The following EVI5L variants were observed in gnomAD, a reference collection of about 807,000 sequenced individuals.
EVI5L encodes EVI5-like protein.
A neutral mutation model predicts 106.1 loss-of-function variants in EVI5L; 30 were observed. That is an observed-to-expected ratio of 0.28 (90% confidence interval 0.21 to 0.38). EVI5L has a LOEUF of 0.38. Ranked by LOEUF, EVI5L falls within the 10% of genes least tolerant of loss-of-function variation. EVI5L has a pLI of 1.00. For synonymous variants in EVI5L, 489 were observed against 483.3 expected (o/e 1.01, Z -0.15); for missense variants, 809 against 1,098.0 (o/e 0.74, Z 3.72).
intron 1 of EVI5L, among the ~76,000 whole-genome samples, chr19:7,844,567 C>T (rs1978868500): frequency 1.3e-5 from 2 of 152,208 alleles, no homozygotes; most frequent in African/African-American, 4.8e-5. Flanking sequence ...ATCAGCACTT[C>T]TTGTCCACAG....
rs1979817880 is a variant in EVI5L, at chr19:7,861,924, A to G, written c.1550A>G (p.Glu517Gly). Residue 517 changes from glutamate to glycine, a missense_variant, in exon 15 of 20, where the codon GAG becomes GGG. This residue lies in a region of EVI5L where 452 missense variants were observed against 509.9 expected (regional missense o/e 0.89). Transcript: ENST00000538904. ...PDENNVAQLQ[E>G]ELKALKVREG... The stretch of plus-strand genomic sequence containing the variant: ...GAGAACAATGTGGCGCAGCTGCAGG[A>G]GGAGCTGAAGGCGCTCAAGGTGCGG... The G allele has an allele frequency of 6.4e-7, 1 of 1,550,548 alleles. No individual in the cohort carries two copies. Among genetic ancestry groups the G allele is most frequent in the East Asian group, 2.4e-5 (1 of 40,946 alleles).
intron 1 of EVI5L, among the ~76,000 whole-genome samples, chr19:7,843,033 T>A (rs1978722645): frequency 6.6e-6 from 1 of 150,626 alleles, no homozygotes; most frequent in African/African-American, 2.4e-5. Flanking sequence ...AGCGTGTGTG[T>A]GAGAGAATAG....
At chr19:7,859,595 G>A (rs1979701872) in intron 13 of EVI5L, among the ~76,000 whole-genome samples, 2 of 152,224 alleles carry the variant, frequency 1.3e-5, no homozygotes, top group African/African-American at 4.8e-5. Context: ...CAGAGTCTGT[G>A]AGCACTCTTG....
Position 7,839,169 on chromosome 19 carries a change from G to A in EVI5L, c.-47-7327G>A, listed in dbSNP as rs1190557225. ...ATACAAAAAATTAGCCAGGCGTGGCGGTGGGTGCCTGTAGTCCCAGCTACT... is the reference window on the plus strand; with the variant it reads ...ATACAAAAAATTAGCCAGGCGTGGCAGTGGGTGCCTGTAGTCCCAGCTACT... On this transcript the variant is annotated intron_variant, in intron 1 of 19. Transcript: ENST00000538904. Among the ~76,000 whole-genome samples the A allele has an allele frequency of 3.3e-5, 5 of 151,864 alleles. No homozygotes were observed. In the South Asian group the frequency reaches 6.2e-4, roughly 19 times the overall value.
chr19:7,859,383 G>T (rs1342927814), intron 13 of EVI5L, among the ~76,000 whole-genome samples: 1 of 152,186 alleles, frequency 6.6e-6, no homozygotes, highest in African/African-American at 2.4e-5. Context: ...GTGGGGTGTA[G>T]GTTGGAGAAA....
intron 10 of EVI5L, among the ~76,000 whole-genome samples, chr19:7,853,987 A>G (rs573321848): frequency 6.6e-6 from 1 of 152,312 alleles, no homozygotes; most frequent in African/African-American, 2.4e-5. Flanking sequence ...TTATTTACTC[A>G]ACAAGCATTT....
At chr19:7,849,739 C>T (rs1184579129) in intron 5 of EVI5L, among the ~76,000 whole-genome samples, 1 of 152,160 alleles carries the variant, frequency 6.6e-6, no homozygotes, top group African/African-American at 2.4e-5. Context: ...CAGGGGGATG[C>T]TGGCAGTGGC....
Position 7,858,435 on chromosome 19 carries a change from C to T in EVI5L, c.1374+104C>T. The T allele has an allele frequency of 7.2e-7, 1 of 1,387,740 alleles. No homozygotes were observed. The highest frequency in any genetic ancestry group is 9.5e-7 in the Non-Finnish European group (1 of 1,051,064). 86.0% of individuals were successfully genotyped at this position (1,387,740 alleles called of 1,614,324 possible). On this transcript the variant is annotated intron_variant, in intron 13 of 19. Transcript: ENST00000538904. The surrounding 1 kb of genome is among the most constrained non-coding windows in gnomAD (Gnocchi z 5.7). The stretch of plus-strand genomic sequence containing the variant: ...CTCATAATCTGCCCCGCCTCAGCAC[C>T]TGGCCCTCCTGTTCCTTTCTGGGGT...
At chr19:7,862,883 C>T in intron 17 of EVI5L, 89 bp from the exon 18 acceptor site, 1 of 943,770 alleles carries the variant, frequency 1.1e-6, no homozygotes, top group South Asian at 1.6e-5. Context: ...GCGGCCCCGC[C>T]TCCTCATTCG....
chr19:7,857,520 G>T lies in EVI5L; in HGVS notation c.1233+396G>T. The T allele has an allele frequency of 3.1e-6, 1 of 324,410 alleles. No individual in the cohort carries two copies. Among genetic ancestry groups the T allele is most frequent in the South Asian group, 3.6e-5 (1 of 27,980 alleles). 20.1% of individuals were successfully genotyped at this position (324,410 alleles called of 1,614,324 possible). ...CACACACACACGCACACACACGCCC[G>T]GCCCTCACGCTGCTGCTCTCTGCTC... On this transcript the variant is annotated intron_variant, in intron 12 of 19. Coordinates refer to ENST00000538904, the MANE Select transcript of EVI5L (RefSeq NM_001159944.3). This position sits in a 1 kb window ranked among gnomAD's most constrained non-coding sequence, Gnocchi z 4.5.
chr19:7,849,137 G>A lies in EVI5L; in HGVS notation c.544G>A (p.Val182Ile), dbSNP rs745770179. The change falls in exon 4 of 20, where the codon GTC (valine) becomes ATC (isoleucine). Residue 182 changes from valine (V) to isoleucine (I), a missense_variant. Val to Ile is a conservative substitution (Grantham distance 29). Coordinates refer to ENST00000538904, the MANE Select transcript of EVI5L (RefSeq NM_001159944.3). ...CCTGGGCCAGGAGGTCCTCTTCAAC[G>A]TCATGAAGGTGAGGCCCAGGGCTCC... is the stretch of plus-strand genomic sequence containing the variant. ...DSLGQEVLFN[V>I]MKAYSLVDRE... The A allele has an allele frequency of 5.6e-6, 9 of 1,610,348 alleles. No homozygotes were observed. The highest frequency in any genetic ancestry group is 3.4e-5 in the Admixed American group (2 of 59,338).
Position 7,852,954 on chromosome 19 carries a change from C to G in EVI5L, c.988-132C>G, listed in dbSNP as rs957026877. 3 of 774,940 alleles carry G rather than the reference C, an allele frequency of 3.9e-6. No homozygotes were observed. The African/African-American group carries it at 5.2e-5, about 13-fold the overall frequency. 48.0% of individuals were successfully genotyped at this position (774,940 alleles called of 1,614,324 possible). A position where few individuals can be genotyped will look rare whatever the true frequency, so the allele number is the denominator to read the frequency against. ...TCCATTGCTCCACAAACACTGAGGACACGGCGTTGAGGACATGGCGACACC... is the reference window on the plus strand; with the variant it reads ...TCCATTGCTCCACAAACACTGAGGAGACGGCGTTGAGGACATGGCGACACC... On this transcript the variant is annotated intron_variant, in intron 8 of 19. Coordinates refer to ENST00000538904, the MANE Select transcript of EVI5L (RefSeq NM_001159944.3).
intron 6 of EVI5L, among the ~76,000 whole-genome samples, chr19:7,851,129 C>A (rs1979229746): frequency 6.6e-6 from 1 of 152,290 alleles, no homozygotes; most frequent in Non-Finnish European, 1.5e-5. Context: ...CTCAGACACA[C>A]CCTCTCAGGC....
In EVI5L at chr19:7,858,140, G is replaced by A. The variant is rs1568243306; in HGVS notation, c.1234-51G>A. The A allele has an allele frequency of 6.5e-7, 1 of 1,532,532 alleles. No homozygotes were observed. Among genetic ancestry groups the A allele is most frequent in the East Asian group, 2.5e-5 (1 of 40,714 alleles). 94.9% of individuals were successfully genotyped at this position (1,532,532 alleles called of 1,614,324 possible). On this transcript the variant is annotated intron_variant, in intron 12 of 19. Coordinates refer to ENST00000538904, the MANE Select transcript of EVI5L (RefSeq NM_001159944.3). This position sits in a 1 kb window ranked among gnomAD's most constrained non-coding sequence, Gnocchi z 5.7. Reference sequence around the variant, plus strand: ...TGTGGCGGGAGGCAGGGCCTTGGGTGGGAGCCGAGGGTCACGGCCTCCCCC... The same window carrying A: ...TGTGGCGGGAGGCAGGGCCTTGGGTAGGAGCCGAGGGTCACGGCCTCCCCC...
intron 1 of EVI5L, among the ~76,000 whole-genome samples, chr19:7,842,145 A>C (rs1272509037): frequency 2.0e-5 from 3 of 151,880 alleles, no homozygotes; most frequent in Non-Finnish European, 4.4e-5. Flanking sequence ...TGTCATGTGC[A>C]TGTGTATGAG....
At chr19:7,843,078 T>A (rs1978727251) in intron 1 of EVI5L, among the ~76,000 whole-genome samples, 1 of 150,980 alleles carries the variant, frequency 6.6e-6, no homozygotes, top group Non-Finnish European at 1.5e-5. Context: ...CATGTGTGTG[T>A]ATAGGTGTGT....
chr19:7,858,535 T>C lies in EVI5L; in HGVS notation c.1374+204T>C, dbSNP rs1979649318. 2 of 675,956 alleles carry C rather than the reference T, an allele frequency of 3.0e-6. No homozygotes were observed. The highest frequency in any genetic ancestry group is 3.0e-5 in the Admixed American group (1 of 32,992). The allele number at this position is 675,956 out of a possible 1,614,324, so 41.9% of individuals were successfully genotyped here. Reference sequence around the variant, plus strand: ...CTGAGACATCCTGATATCCATTTCTTGCCACCTCATAGTGTGTCTGCAGTA... The same window carrying C: ...CTGAGACATCCTGATATCCATTTCTCGCCACCTCATAGTGTGTCTGCAGTA... On this transcript the variant is annotated intron_variant, in intron 13 of 19. Coordinates refer to ENST00000538904, the MANE Select transcript of EVI5L (RefSeq NM_001159944.3). This position sits in a 1 kb window ranked among gnomAD's most constrained non-coding sequence, Gnocchi z 5.7.
chr19:7,854,444 G>C (rs867849379), intron 10 of EVI5L, among the ~76,000 whole-genome samples: 1 of 152,128 alleles, frequency 6.6e-6, no homozygotes, highest in South Asian at 2.1e-4. Flanking sequence ...GAGCCGCACA[G>C]TGGCTAACAC....
rs1416411940 is a variant in EVI5L, at chr19:7,856,291, A to G, written c.1200+223A>G. On this transcript the variant is annotated intron_variant, in intron 11 of 19. Coordinates refer to ENST00000538904, the MANE Select transcript of EVI5L (RefSeq NM_001159944.3). This position sits in a 1 kb window ranked among gnomAD's most constrained non-coding sequence, Gnocchi z 6.6. ...TAATCCTGGAGTGGGGGCGAGTTAC[A>G]ACCCAGTGGCCTGCAGCCACGGGAA... Among the ~76,000 whole-genome samples, 1 of 152,010 alleles carries G rather than the reference A, an allele frequency of 6.6e-6. No homozygotes were observed. The highest frequency in any genetic ancestry group is 1.5e-5 in the Non-Finnish European group (1 of 67,978).
Sources: gnomAD v4.1 joint callset for allele counts (sites outside exome capture counted in the v4.1 genomes callset) on GRCh38, gnomAD v4.1.1 for gene constraint, gnomAD v4.1.1 regional missense constraint, Gnocchi (gnomAD v3.1) non-coding constraint, MANE v1.5 for transcripts, NCBI Gene and HGNC (gene_info 2026-07-23, HGNC 2026-07-21) for gene names.